SPATA31C1: variants seen among roughly 807,000 people sequenced by gnomAD.
The protein encoded by SPATA31C1 is spermatogenesis-associated protein 31C1.
At chr9:87,920,204 G>A (rs750806354) in intron 4 of SPATA31C1, 48 bp from the exon 4 acceptor site, 62 of 1,609,570 alleles carry the variant, frequency 3.9e-5, no homozygotes, top group East Asian at 6.7e-5. Context: ...TCTGCCCTCC[G>A]AACCCATCTG....
rs780162664 is a variant in SPATA31C1 at position 87,921,819 on chromosome 9, G to C, written n.2209G>C. On this transcript the variant is annotated non_coding_transcript_exon_variant, in exon 5 of 5. Transcript: ENST00000420021. ...AAGTAGGAAAGCCTGTGTAAACACA[G>C]CCCAGGTGCTTTCCTTCCTTGAGCT... is the stretch of plus-strand genomic sequence containing the variant. 8 of 1,612,060 alleles carry C rather than the reference G, an allele frequency of 5.0e-6. No individual in the cohort carries two copies. The Admixed American group carries it at 1.3e-4, about 27-fold the overall frequency.
At position 87,919,307 on chromosome 9, in the gene SPATA31C1, G is replaced by T. The variant is rs371656542; in HGVS notation, n.539G>T. 5.3e-5 allele frequency: 76 copies of T among 1,447,144 alleles called. 3 individuals carry two copies. In the Admixed American group the frequency reaches 1.2e-3, roughly 24 times the overall value. 89.6% of individuals were successfully genotyped at this position (1,447,144 alleles called of 1,614,324 possible). The stretch of plus-strand genomic sequence containing the variant: ...GTCTCCCAGTGTCCAACAGGGCGGA[G>T]GGGGAGGCCCAGAGGCAGGATGAAA... On this transcript the variant is annotated non_coding_transcript_exon_variant, in exon 3 of 5. Transcript: ENST00000420021.
At chr9:87,915,903 T>C (rs1244175692) in intron 1 of SPATA31C1, among the ~76,000 whole-genome samples, 5 of 144,630 alleles carry the variant, frequency 3.5e-5, no homozygotes, top group East Asian at 4.3e-4. Flanking sequence ...AGCTGTATTA[T>C]AGAAAAAACT....
chr9:87,920,682 C>T, exon 5 of SPATA31C1: 1 of 1,613,980 alleles, frequency 6.2e-7, no homozygotes, highest in South Asian at 1.1e-5. Flanking sequence ...GGCACTTCCA[C>T]TGGACACCGT....
downstream of SPATA31C1, chr9:87,923,602 CAT>C: frequency 1.4e-6 from 1 of 715,388 alleles, no homozygotes; most frequent in Non-Finnish European, 2.3e-6. Flanking sequence ...TATTTTCTCT[CAT>C]GTTAGTACAC....
chr9:87,920,591 C>A (rs1431570474), exon 5 of SPATA31C1: 1 of 1,613,744 alleles, frequency 6.2e-7, no homozygotes, highest in East Asian at 2.2e-5. Context: ...CTCTGGCCTG[C>A]TCTCCACCTC....
exon 5 of SPATA31C1, chr9:87,923,394 C>T: frequency 1.2e-6 from 2 of 1,602,280 alleles, no homozygotes; most frequent in South Asian, 2.2e-5. Flanking sequence ...ACTCTTGCTC[C>T]CCAAGAAAGC....
At chr9:87,921,015 C>T in exon 5 of SPATA31C1, 1 of 1,612,284 alleles carries the variant, frequency 6.2e-7, no homozygotes. Context: ...TTTCCCAGTC[C>T]TATCTCCTGC....
chr9:87,920,537 C>G, exon 5 of SPATA31C1: 1 of 1,613,836 alleles, frequency 6.2e-7, no homozygotes, highest in Non-Finnish European at 8.5e-7. Flanking sequence ...GCCCCTCACC[C>G]GAGCCACCTG....
chr9:87,918,974 T>A, intron 2 of SPATA31C1: 1 of 396,178 alleles, frequency 2.5e-6, no homozygotes, highest in South Asian at 2.0e-5. Flanking sequence ...GGTTTCACCA[T>A]GGCCAGGCTG....
chr9:87,922,288 G>A, exon 5 of SPATA31C1: 2 of 1,612,266 alleles, frequency 1.2e-6, no homozygotes, highest in East Asian at 2.2e-5. Flanking sequence ...AGGAGCTTAG[G>A]AGCCCAATCT....
At chr9:87,920,326 A>C (rs771794931) in exon 5 of SPATA31C1, 2 of 1,613,964 alleles carry the variant, frequency 1.2e-6, no homozygotes, top group South Asian at 2.2e-5. Context: ...GAGGTGGGCA[A>C]AAGAACACCT....
At chr9:87,922,351 G>C (rs778833175) in exon 5 of SPATA31C1, 1 of 1,610,802 alleles carries the variant, frequency 6.2e-7, no homozygotes, top group Admixed American at 1.7e-5. Flanking sequence ...GTCCCCTTGG[G>C]AACCTGTATG....
At chr9:87,918,887 T>G (rs1828768843) in intron 2 of SPATA31C1, 2 of 348,784 alleles carry the variant, frequency 5.7e-6, no homozygotes, top group Non-Finnish European at 1.1e-5. Context: ...TTCTCCTGTC[T>G]TAGCGTCCTG....
At chr9:87,919,142 A>C in intron 2 of SPATA31C1, 113 bp from the exon 2 acceptor site, 1 of 1,493,804 alleles carries the variant, frequency 6.7e-7, no homozygotes, top group South Asian at 1.2e-5. Context: ...GAAAGCACAC[A>C]GAGCTCCCTG....
exon 5 of SPATA31C1, chr9:87,923,096 A>G: frequency 6.2e-7 from 1 of 1,602,860 alleles, no homozygotes. Context: ...GGCTCATGAC[A>G]GCAGTTGGAC....
exon 5 of SPATA31C1, chr9:87,920,598 C>T: frequency 3.7e-6 from 6 of 1,613,774 alleles, no homozygotes; most frequent in Non-Finnish European, 5.1e-6. Context: ...CTGCTCTCCA[C>T]CTCCTCCGAA....
At chr9:87,916,987 A>T (rs1828743113) in intron 1 of SPATA31C1, among the ~76,000 whole-genome samples, 1 of 84,270 alleles carries the variant, frequency 1.2e-5, no homozygotes, top group Non-Finnish European at 2.5e-5. Context: ...ACAGAGTGAG[A>T]CTCCATCTCA....
At chr9:87,921,848 T>G in exon 5 of SPATA31C1, 1 of 1,612,068 alleles carries the variant, frequency 6.2e-7, no homozygotes, top group Non-Finnish European at 8.5e-7. Flanking sequence ...TTGAGCTGTG[T>G]ACTCAGCAGG....
Sources: allele counts gnomAD v4.1 joint callset (sites outside exome capture counted in the v4.1 genomes callset), GRCh38; gene constraint gnomAD v4.1.1; transcripts MANE v1.5; gene names NCBI Gene and HGNC (gene_info 2026-07-23, HGNC 2026-07-21).